The following C1QTNF6 variants were observed in gnomAD, a reference collection of about 807,000 sequenced individuals.
C1QTNF6 encodes complement C1q tumor necrosis factor-related protein 6.
In C1QTNF6, 17 loss-of-function variants were observed where a neutral mutation model predicts 20.7. The ratio of observed to expected loss-of-function variants is 0.82; its 90% CI spans 0.56 to 1.23. C1QTNF6 has a LOEUF of 1.23. C1QTNF6 is among the 50% of genes most tolerant of loss of function. The probability of loss-of-function intolerance (pLI) is 0.00; values close to 1 mark genes in which losing one functional copy is unlikely to be tolerated. For synonymous variants in C1QTNF6, 130 were observed against 156.3 expected (o/e 0.83, Z 1.25); for missense variants, 329 against 389.7 (o/e 0.84, Z 1.31).
chr22:37,186,126 C>T (rs734139), intron 1 of C1QTNF6: 197,144 of 985,184 alleles, frequency 0.2, 20,711 homozygotes, highest in East Asian at 0.58. Context: ...GGGTGGTGCG[C>T]GGTGATGGTG....
rs763542092 is a variant in C1QTNF6, at chr22:37,188,166, G to C, written c.48C>G (p.His16Gln). 1 of 1,610,092 alleles carries C rather than the reference G, an allele frequency of 6.2e-7. No individual in the cohort carries two copies. Among genetic ancestry groups the C allele is most frequent in the Non-Finnish European group, 8.5e-7 (1 of 1,178,130 alleles). ...VRESPGEATGHRVTMGTAALG... is the reference protein window; with the variant it reads ...VRESPGEATGQRVTMGTAALG... ...TGAGGAGCCTCTGGTCACTCACCCT[G>C]TGTCCTGTGGCCTCCCCAGGCGACT... is the stretch of plus-strand genomic sequence containing the variant. Residue 16 changes from histidine (H) to glutamine (Q), a missense_variant, in exon 1 of 3, where the codon CAC becomes CAG. By Grantham distance (24) the His-to-Gln change is conservative. Transcript: ENST00000337843.
upstream of C1QTNF6, among the ~76,000 whole-genome samples, chr22:37,192,273 A>G (rs1209261965): frequency 6.6e-6 from 1 of 152,244 alleles, no homozygotes; most frequent in African/African-American, 2.4e-5. Flanking sequence ...AGTAGTCTCA[A>G]TTACATATAA....
chr22:37,192,149 C>G (rs1924861501), upstream of C1QTNF6, among the ~76,000 whole-genome samples: 1 of 152,232 alleles, frequency 6.6e-6, no homozygotes, highest in South Asian at 2.1e-4. Context: ...TTGAAACAAT[C>G]CTTTAACCCT....
chr22:37,188,674 C>T (rs1924599468), upstream of C1QTNF6, among the ~76,000 whole-genome samples: 1 of 152,238 alleles, frequency 6.6e-6, no homozygotes, highest in African/African-American at 2.4e-5. Flanking sequence ...GCCCTCCAGG[C>T]ACAGGCTAGA....
At chr22:37,185,148 C>T in intron 2 of C1QTNF6, 70 bp downstream of exon 2, 2 of 1,493,144 alleles carry the variant, frequency 1.3e-6, no homozygotes, top group South Asian at 2.8e-5. Flanking sequence ...TCCGCCCTGC[C>T]CTCTACTCCC....
intron 1 of C1QTNF6, chr22:37,196,542 T>A (rs1925145314): frequency 6.6e-6 from 1 of 152,224 alleles, no homozygotes; most frequent in South Asian, 2.1e-4. Flanking sequence ...GGTGTTTATA[T>A]CCATTACTTC....
At chr22:37,188,869 AAG>A (rs1924617176), upstream of C1QTNF6, among the ~76,000 whole-genome samples, 1 of 152,244 alleles carries the variant, frequency 6.6e-6, no homozygotes, top group Non-Finnish European at 1.5e-5. Flanking sequence ...ATCAGACCCC[AAG>A]AGAGAATTCT....
chr22:37,194,733 G>A (rs1925037468), intron 2 of C1QTNF6, among the ~76,000 whole-genome samples: 1 of 152,188 alleles, frequency 6.6e-6, no homozygotes, highest in African/African-American at 2.4e-5. Flanking sequence ...ACCTGGCAAG[G>A]CTCAAACTTG....
upstream of C1QTNF6, among the ~76,000 whole-genome samples, chr22:37,191,897 G>C (rs1924844416): frequency 6.6e-6 from 1 of 152,124 alleles, no homozygotes; most frequent in Non-Finnish European, 1.5e-5. Flanking sequence ...CAATTTTAAT[G>C]TTTGACCATG....
chr22:37,192,004 TATTTA>T (rs547789318), upstream of C1QTNF6, among the ~76,000 whole-genome samples: 71 of 151,430 alleles, frequency 4.7e-4, no homozygotes, highest in Middle Eastern at 6.8e-3. Flanking sequence ...TTTTATTCCA[TATTTA>T]ATTTATGGAA....
At position 37,185,218 on chromosome 22, in the gene C1QTNF6, C is replaced by A. The variant is rs1314172114; in HGVS notation, c.289G>T (p.Gly97Cys). ...CCAGGCCCCACAGGAGGGCACTCAC[C>A]CTTCAGGATGGTGATATTAATGTAG... ...RPYINITILK[G>C]DKGDPGPMGL... is the part of the protein sequence containing the mutation. The change falls in exon 2 of 3, where the codon GGT becomes TGT. Residue 97 changes from glycine to cysteine, a missense_variant and splice_region_variant. Gly to Cys is a radical substitution (Grantham distance 159). Transcript: ENST00000337843. The A allele has an allele frequency of 1.3e-6, 2 of 1,551,994 alleles. No individual in the cohort carries two copies. Among genetic ancestry groups the A allele is most frequent in the East Asian group, 4.6e-5 (2 of 43,658 alleles).
At chr22:37,182,951 A>C in intron 2 of C1QTNF6, 1 of 1,419,916 alleles carries the variant, frequency 7.0e-7, no homozygotes, top group South Asian at 1.6e-5. Flanking sequence ...TGAGTGACTC[A>C]CCCCGGGCCA....
upstream of C1QTNF6, among the ~76,000 whole-genome samples, chr22:37,192,638 T>C (rs1267447300): frequency 6.6e-6 from 1 of 152,266 alleles, no homozygotes; most frequent in Non-Finnish European, 1.5e-5. Context: ...AAACTGTCTC[T>C]ATTTCCCAAA....
At chr22:37,187,214 C>T (rs1924430204) in intron 1 of C1QTNF6, among the ~76,000 whole-genome samples, 1 of 152,180 alleles carries the variant, frequency 6.6e-6, no homozygotes, top group Non-Finnish European at 1.5e-5. Flanking sequence ...TCTGCCCACC[C>T]TGGTTGGGTT....
At chr22:37,186,473 T>A (rs967824896) in intron 1 of C1QTNF6, among the ~76,000 whole-genome samples, 1 of 152,090 alleles carries the variant, frequency 6.6e-6, no homozygotes, top group African/African-American at 2.4e-5. Context: ...GATGCCAAGG[T>A]GGTAAATTGG....
At chr22:37,192,384 T>G (rs1251347676), upstream of C1QTNF6, among the ~76,000 whole-genome samples, 1 of 152,232 alleles carries the variant, frequency 6.6e-6, no homozygotes, top group African/African-American at 2.4e-5. Context: ...TAGGACAGCC[T>G]TATCTGCAGA....
rs765523716 is a variant in C1QTNF6, at chr22:37,182,147, A to G, written c.*41T>C. On this transcript the variant is annotated 3_prime_UTR_variant, in exon 3 of 3. Transcript: ENST00000337843. ...ACTGAGCCCTGCAGGGGACGGGACC[A>G]GCACCTGAGCTCTCCAGCCGGGAGG... The G allele has an allele frequency of 6.4e-7, 1 of 1,572,002 alleles. No homozygotes were observed. Among genetic ancestry groups the G allele is most frequent in the South Asian group, 1.2e-5 (1 of 83,436 alleles).
At position 37,193,304 on chromosome 22, in the gene C1QTNF6, T is replaced by A. The variant is rs73408900; in HGVS notation, n.225-1567A>T. Among the ~76,000 whole-genome samples the A allele has an allele frequency of 4.6e-3, 701 of 152,328 alleles. 6 individuals carry two copies. The highest frequency in any genetic ancestry group is 0.016 in the African/African-American group (663 of 41,564). On this transcript the variant is annotated intron_variant and non_coding_transcript_variant, in intron 2 of 4. Transcript: ENST00000467564. ...AGATTTTGAGAGTGGTCTATCTGCTTTCAATTCCTGGGGGTGTCCATGAGG... is the reference window on the plus strand; with the variant it reads ...AGATTTTGAGAGTGGTCTATCTGCTATCAATTCCTGGGGGTGTCCATGAGG...
upstream of C1QTNF6, among the ~76,000 whole-genome samples, chr22:37,193,020 C>G (rs952315861): frequency 3.9e-5 from 6 of 152,032 alleles, no homozygotes; most frequent in Non-Finnish European, 8.8e-5. Context: ...TCAGCCCATC[C>G]CCCATGGCAG....
Sources: gnomAD v4.1 joint callset for allele counts (sites outside exome capture counted in the v4.1 genomes callset) on GRCh38, gnomAD v4.1.1 for gene constraint, MANE v1.5 for transcripts, NCBI Gene and HGNC (gene_info 2026-07-23, HGNC 2026-07-21) for gene names.